The following OSGIN2 variants were observed in gnomAD, a reference collection of about 807,000 sequenced individuals.
OSGIN2 encodes oxidative stress-induced growth inhibitor 2.
A neutral mutation model predicts 53.8 loss-of-function variants in OSGIN2; 19 were observed. That is an observed-to-expected ratio of 0.35 (90% confidence interval 0.25 to 0.52). The LOEUF (loss-of-function observed/expected upper bound fraction) is 0.52. Among genes scored for constraint, OSGIN2 ranks in the 20% least tolerant of loss-of-function variants. The pLI is 0.95. For missense variants in OSGIN2, 520 were observed against 662.7 expected, an observed-to-expected ratio of 0.78 and a Z score of 2.36; for synonymous variants, 236 against 236.0, an observed-to-expected ratio of 1.00 and a Z score of 0.00.
intron 5 of OSGIN2, 197 bp downstream of exon 5, chr8:89,921,368 G>C (rs1586008663): frequency 2.2e-6 from 1 of 456,694 alleles, no homozygotes. Context: ...ACAGAGCTAA[G>C]GGATTATTGC....
chr8:89,921,485 TTTA>T (rs1809203660), intron 5 of OSGIN2, among the ~76,000 whole-genome samples: 1 of 152,204 alleles, frequency 6.6e-6, no homozygotes, highest in Admixed American at 6.5e-5. Flanking sequence ...TTTTTCATAC[TTTA>T]TTTTTATGCA....
intron 5 of OSGIN2, 188 bp downstream of exon 5, chr8:89,921,359 C>T (rs936769310): frequency 6.0e-6 from 3 of 498,332 alleles, no homozygotes; most frequent in Non-Finnish European, 7.1e-6. Flanking sequence ...AAACTAAGCA[C>T]AGAGCTAAGG....
intron 5 of OSGIN2, among the ~76,000 whole-genome samples, chr8:89,922,159 TAAG>T (rs963654170): frequency 7.2e-5 from 11 of 152,192 alleles, no homozygotes; most frequent in African/African-American, 2.4e-4. Flanking sequence ...ACTCACAAAA[TAAG>T]AAGTTACGTA....
rs549739946 is a variant in OSGIN2 at position 89,926,108 on chromosome 8, G to A, written c.*576G>A. 6.6e-6 allele frequency: 1 copy of A among 152,320 alleles called. No individual in the cohort carries two copies. The highest frequency in any genetic ancestry group is 1.5e-5 in the Non-Finnish European group (1 of 68,092). 9.4% of individuals were successfully genotyped at this position (152,320 alleles called of 1,614,324 possible). ...TGGATATAAGGTATGTATAACTGGGGGTGGGGTGAGGGTAGGAGGCATTTA... is the reference window on the plus strand; with the variant it reads ...TGGATATAAGGTATGTATAACTGGGAGTGGGGTGAGGGTAGGAGGCATTTA... On this transcript the variant is annotated 3_prime_UTR_variant, in exon 6 of 6. Transcript: ENST00000451899.
chr8:89,902,893 C>T, intron 1 of OSGIN2, 56 bp downstream of exon 1: 3 of 1,229,812 alleles, frequency 2.4e-6, no homozygotes, highest in Admixed American at 3.3e-5. Context: ...CGCTCTCGAG[C>T]TTTTTGGCCT....
At chr8:89,914,840 G>A (rs937786203) in intron 4 of OSGIN2, 94 bp downstream of exon 4, 1 of 857,356 alleles carries the variant, frequency 1.2e-6, no homozygotes, top group Non-Finnish European at 1.9e-6. Flanking sequence ...TGTTATATGT[G>A]ATGTTTATCA....
rs1301953316 is a variant in OSGIN2, at chr8:89,903,979, A to G, written c.44+1142A>G. Among the ~76,000 whole-genome samples the G allele has an allele frequency of 2.6e-5, 4 of 152,324 alleles. No individual in the cohort carries two copies. The South Asian group carries it at 6.2e-4, about 24-fold the overall frequency. On this transcript the variant is annotated intron_variant, in intron 1 of 5. Transcript: ENST00000451899. ...AGAAGAGGTTAAGAAGCGTCATCCTATAGTAAAAGAGATGTAAGGCATAGA... is the reference window on the plus strand; with the variant it reads ...AGAAGAGGTTAAGAAGCGTCATCCTGTAGTAAAAGAGATGTAAGGCATAGA...
chr8:89,913,060 C>T (rs752795392), intron 2 of OSGIN2, among the ~76,000 whole-genome samples: 2 of 152,032 alleles, frequency 1.3e-5, no homozygotes, highest in Non-Finnish European at 2.9e-5. Flanking sequence ...TCCACAGTAG[C>T]GATGTTATCT....
intron 5 of OSGIN2, among the ~76,000 whole-genome samples, chr8:89,922,683 A>G (rs1210762358): frequency 2.6e-5 from 4 of 152,116 alleles, no homozygotes; most frequent in South Asian, 2.1e-4. Context: ...CTAGTTGTCA[A>G]TTTTCCATTC....
intron 2 of OSGIN2, among the ~76,000 whole-genome samples, chr8:89,911,627 TAAAAAAAA>T (rs76846705): frequency 1.1e-5 from 1 of 93,946 alleles, no homozygotes; most frequent in Non-Finnish European, 2.2e-5. Flanking sequence ...AAACTCTGTC[TAAAAAAAA>T]AAAAAAAAAG....
Position 89,927,851 on chromosome 8 carries a change from A to G in OSGIN2, c.*2319A>G, listed in dbSNP as rs1809383769. ...ATAGGAAGTGGTGGAAAATTTCTAA[A>G]TAAATTCAACTATTAAATAAATGCA... On this transcript the variant is annotated 3_prime_UTR_variant, in exon 6 of 6. Coordinates refer to ENST00000451899, the MANE Select transcript of OSGIN2 (RefSeq NM_001126111.3). The G allele has an allele frequency of 6.6e-6, 1 of 152,236 alleles. No homozygotes were observed. The highest frequency in any genetic ancestry group is 2.4e-5 in the African/African-American group (1 of 41,462). 9.4% of individuals were successfully genotyped at this position (152,236 alleles called of 1,614,324 possible).
intron 4 of OSGIN2, among the ~76,000 whole-genome samples, chr8:89,915,305 A>T (rs150074754): frequency 6.6e-6 from 1 of 152,116 alleles, no homozygotes; most frequent in Non-Finnish European, 1.5e-5. Flanking sequence ...TGCCTTCTCA[A>T]TGTGTCCTCA....
chr8:89,920,363 G>C (rs926704725), intron 4 of OSGIN2, among the ~76,000 whole-genome samples: 1 of 152,186 alleles, frequency 6.6e-6, no homozygotes, highest in Non-Finnish European at 1.5e-5. Context: ...GAAATTATGA[G>C]AAAAGGAGCC....
intron 4 of OSGIN2, among the ~76,000 whole-genome samples, chr8:89,915,683 C>T (rs781696481): frequency 3.3e-5 from 5 of 152,160 alleles, no homozygotes; most frequent in African/African-American, 4.8e-5. Context: ...TTATGAATTA[C>T]AGACTTCATG....
In OSGIN2 at chr8:89,926,601, A is replaced by T. The variant is rs527308322; in HGVS notation, c.*1069A>T. On this transcript the variant is annotated 3_prime_UTR_variant, in exon 6 of 6. Coordinates refer to ENST00000451899, the MANE Select transcript of OSGIN2 (RefSeq NM_001126111.3). ...TAGTATTCATTCGAGATGACATAGC[A>T]GCTCATATCATGGTTGTTTATTGGA... 5.2e-5 allele frequency: 8 copies of T among 152,622 alleles called. No homozygotes were observed. The South Asian group carries it at 1.2e-3, about 24-fold the overall frequency. 9.5% of individuals were successfully genotyped at this position (152,622 alleles called of 1,614,324 possible).
upstream of OSGIN2, chr8:89,902,398 C>G (rs1442864781): frequency 2.0e-5 from 3 of 152,146 alleles, no homozygotes; most frequent in African/African-American, 7.2e-5. Flanking sequence ...CCCCTGCCCG[C>G]GCAGCCTCGG....
In OSGIN2 at chr8:89,902,799, C is replaced by G. The variant is rs1257063972; in HGVS notation, c.6C>G (p.Pro2=). The G allele has an allele frequency of 1.5e-6, 2 of 1,344,916 alleles. No individual in the cohort carries two copies. The highest frequency in any genetic ancestry group is 1.9e-6 in the Non-Finnish European group (2 of 1,028,630). The allele number at this position is 1,344,916 out of a possible 1,614,324, so 83.3% of individuals were successfully genotyped here. The change falls in exon 1 of 6, where the codon CCC becomes CCG. Residue 2 remains proline (P), a synonymous_variant. Transcript: ENST00000451899. ...CGCCCCTCGCGCAGCGCTCCATGCC[C>G]GTGTGGTGCTGCCGCTGCTCCCTGG... M[P]VWCCRCSLAG... is the part of the protein sequence containing the mutation.
Position 89,927,291 on chromosome 8 carries a change from T to C in OSGIN2, c.*1759T>C, listed in dbSNP as rs183263190. 7 of 112,494 alleles carry C rather than the reference T, an allele frequency of 6.2e-5. No individual in the cohort carries two copies. In the East Asian group the frequency reaches 1.9e-3, roughly 31 times the overall value. The allele number at this position is 112,494 out of a possible 1,614,324, so 7.0% of individuals were successfully genotyped here. A position where few individuals can be genotyped will look rare whatever the true frequency, so the allele number is the denominator to read the frequency against. On this transcript the variant is annotated 3_prime_UTR_variant, in exon 6 of 6. Transcript: ENST00000451899. ...TGGCTTTTTTTGTGATGAGAGTATT[T>C]GTTAAAAAAAAAAAAAGACTTCAAG...
Position 89,902,756 on chromosome 8 carries a change from A to T in OSGIN2, c.-38A>T. ...CTCGCCGGGGGAGGCGGAGGCGGCC[A>T]CGGCGGCCGCGCTCGGGCGCCCCTC... On this transcript the variant is annotated 5_prime_UTR_variant, in exon 1 of 6. Transcript: ENST00000451899. The T allele has an allele frequency of 8.4e-7, 1 of 1,196,258 alleles. No individual in the cohort carries two copies. The highest frequency in any genetic ancestry group is 1.0e-6 in the Non-Finnish European group (1 of 955,990). 74.1% of individuals were successfully genotyped at this position (1,196,258 alleles called of 1,614,324 possible).
Sources: allele counts gnomAD v4.1 joint callset (sites outside exome capture counted in the v4.1 genomes callset), GRCh38; gene constraint gnomAD v4.1.1; transcripts MANE v1.5; gene names NCBI Gene and HGNC (gene_info 2026-07-23, HGNC 2026-07-21).